Variants in TBL1X observed in about 807,000 individuals in gnomAD.
The protein encoded by TBL1X is F-box-like/WD repeat-containing protein TBL1X.
Under a neutral mutation model 50.7 loss-of-function variants are expected in TBL1X, and 10 were observed. The ratio of observed to expected loss-of-function variants is 0.20; its 90% CI spans 0.12 to 0.33. The LOEUF is 0.33. Ranked by LOEUF, TBL1X falls within the 10% of genes least tolerant of loss-of-function variation. TBL1X has a pLI of 1.00. For synonymous variants in TBL1X, 190 were observed against 214.7 expected, an observed-to-expected ratio of 0.88 and a Z score of 1.01; for missense variants, 340 against 504.4, an observed-to-expected ratio of 0.67 and a Z score of 3.12.
intron 1 of TBL1X, among the ~76,000 whole-genome samples, chrX:9,497,805 C>G (rs1338117477): frequency 2.3e-5 from 2 of 85,608 alleles, no homozygotes; most frequent in Non-Finnish European, 4.5e-5. Flanking sequence ...TCCGTCTCTT[C>G]CTCCCTCCCT....
intron 2 of TBL1X, among the ~76,000 whole-genome samples, chrX:9,546,208 A>T (rs1357420147): frequency 1.8e-5 from 2 of 111,932 alleles, no homozygotes; most frequent in African/African-American, 3.2e-5. Context: ...CCATAAATTA[A>T]TTAGTCCAGC....
At chrX:9,625,746 G>A (rs947807235) in intron 2 of TBL1X, among the ~76,000 whole-genome samples, 8 of 111,761 alleles carry the variant, frequency 7.2e-5, no homozygotes, top group African/African-American at 2.3e-4. Context: ...AGACCAGCCT[G>A]GCCAAGGTGG....
intron 2 of TBL1X, among the ~76,000 whole-genome samples, chrX:9,585,331 C>T (rs749977402): frequency 1.3e-5 from 1 of 76,884 alleles, no homozygotes; most frequent in East Asian, 6.5e-4. Context: ...CCATGCCACC[C>T]CCCTCCCCTC....
intron 2 of TBL1X, among the ~76,000 whole-genome samples, chrX:9,598,834 T>A: frequency 9.0e-6 from 1 of 111,585 alleles, no homozygotes; most frequent in Non-Finnish European, 1.9e-5. Context: ...CCTTGGCTTG[T>A]AGCTACATCA....
At chrX:9,575,812 A>G (rs1461464624) in intron 2 of TBL1X, among the ~76,000 whole-genome samples, 1 of 112,047 alleles carries the variant, frequency 8.9e-6, no homozygotes, top group East Asian at 2.8e-4. Context: ...ATACTTACAT[A>G]AATATTATAA....
intron 5 of TBL1X, among the ~76,000 whole-genome samples, chrX:9,656,610 G>T (rs1424384616): frequency 8.9e-6 from 1 of 112,970 alleles, no homozygotes; most frequent in African/African-American, 3.2e-5. Flanking sequence ...TGTCAACTTT[G>T]TGTAACATCT....
At chrX:9,466,899 G>C (rs774990677) in intron 1 of TBL1X, among the ~76,000 whole-genome samples, 21 of 111,986 alleles carry the variant, frequency 1.9e-4, no homozygotes, top group Non-Finnish European at 3.8e-4. Context: ...TTCATCACTG[G>C]ATCACCGGCC....
At chrX:9,492,200 G>A (rs997816113) in intron 1 of TBL1X, among the ~76,000 whole-genome samples, 1 of 111,813 alleles carries the variant, frequency 8.9e-6, no homozygotes, top group East Asian at 2.8e-4. Context: ...TGGGAAGGAC[G>A]CTTAGTGGTT....
intron 2 of TBL1X, among the ~76,000 whole-genome samples, chrX:9,527,354 C>T (rs1213692983): frequency 9.0e-6 from 1 of 111,458 alleles, no homozygotes; most frequent in Non-Finnish European, 1.9e-5. Context: ...ATAGGGGTCT[C>T]GTCTCTGTTG....
chrX:9,624,151 A>G (rs188637362), intron 2 of TBL1X, among the ~76,000 whole-genome samples: 1 of 112,515 alleles, frequency 8.9e-6, no homozygotes, highest in Non-Finnish European at 1.9e-5. Context: ...CGAAGTTTAT[A>G]GCCAACTAAG....
chrX:9,529,024 T>G lies in TBL1X; in HGVS notation c.-131+27175T>G, dbSNP rs780078645. 5.4e-5 allele frequency among the ~76,000 whole-genome samples: 6 copies of G among 112,141 alleles called. No individual in the cohort carries two copies. In the East Asian group the frequency reaches 1.7e-3, roughly 31 times the overall value. On this transcript the variant is annotated intron_variant, in intron 2 of 17. Transcript: ENST00000645353. Reference sequence around the variant, plus strand: ...CTGAAAAATACGGAGTGGAAAAGTTTTCTGATTTTTTTTTTCCTGCTTTGT... The same window carrying G: ...CTGAAAAATACGGAGTGGAAAAGTTGTCTGATTTTTTTTTTCCTGCTTTGT...
chrX:9,712,332 TTTTTTG>T (rs773790987), intron 16 of TBL1X, among the ~76,000 whole-genome samples: 70 of 112,455 alleles, frequency 6.2e-4, no homozygotes, highest in African/African-American at 1.6e-3. Flanking sequence ...GTTGTTGTTG[TTTTTTG>T]TTTTTGTTTT....
At chrX:9,468,855 G>A (rs1332444712) in intron 1 of TBL1X, among the ~76,000 whole-genome samples, 1 of 111,018 alleles carries the variant, frequency 9.0e-6, no homozygotes, top group African/African-American at 3.3e-5. Context: ...TTATTTATTT[G>A]TTTATTTTGA....
intron 16 of TBL1X, among the ~76,000 whole-genome samples, chrX:9,712,822 C>T (rs779500778): frequency 9.0e-6 from 1 of 111,636 alleles, no homozygotes; most frequent in Non-Finnish European, 1.9e-5. Context: ...GGAAGTAGCA[C>T]TGCATAGCAT....
intron 2 of TBL1X, among the ~76,000 whole-genome samples, chrX:9,523,235 G>A (rs2082115131): frequency 9.0e-6 from 1 of 111,722 alleles, no homozygotes; most frequent in African/African-American, 3.3e-5. Flanking sequence ...CCTGATCACC[G>A]CATGCAGTCT....
chrX:9,466,862 G>A (rs758664641), intron 1 of TBL1X, among the ~76,000 whole-genome samples: 1 of 112,333 alleles, frequency 8.9e-6, no homozygotes, highest in African/African-American at 3.2e-5. Context: ...CACCAAGCTG[G>A]GTAACTAATG....
At chrX:9,463,566 TC>T (rs1237452377), upstream of TBL1X, 7 of 112,252 alleles carry the variant, frequency 6.2e-5, no homozygotes, top group African/African-American at 9.7e-5. Context: ...AATTTTGAGG[TC>T]CGCCGTTTTG....
intron 4 of TBL1X, among the ~76,000 whole-genome samples, chrX:9,653,999 C>A (rs1398378659): frequency 1.8e-5 from 2 of 111,763 alleles, no homozygotes; most frequent in Non-Finnish European, 1.9e-5. Flanking sequence ...AATAGGCCAA[C>A]TCTTGTTTTT....
chrX:9,510,701 G>C (rs2082051116), intron 2 of TBL1X, among the ~76,000 whole-genome samples: 2 of 112,486 alleles, frequency 1.8e-5, no homozygotes, highest in South Asian at 3.7e-4. Context: ...AGTAGACTTT[G>C]AGTAAGGCAG....
Sources: allele counts gnomAD v4.1 joint callset (sites outside exome capture counted in the v4.1 genomes callset), GRCh38; gene constraint gnomAD v4.1.1; transcripts MANE v1.5; gene names NCBI Gene and HGNC (gene_info 2026-07-23, HGNC 2026-07-21).